The following HS3ST2 variants were observed in gnomAD, a reference collection of about 807,000 sequenced individuals.
The protein encoded by HS3ST2 is heparan sulfate glucosamine 3-O-sulfotransferase 2.
HS3ST2 carries 17 observed loss-of-function variants against 26.3 expected under a neutral mutation model. That is an observed-to-expected ratio of 0.65 (90% CI 0.44 to 0.97). The LOEUF is 0.97. Ranked by LOEUF, HS3ST2 falls within the 50% of genes least tolerant of loss-of-function variation. HS3ST2 has a pLI of 0.00. For missense variants in HS3ST2, 402 were observed against 501.2 expected, an observed-to-expected ratio of 0.80 and a Z score of 1.89; for synonymous variants, 237 against 219.2, an observed-to-expected ratio of 1.08 and a Z score of -0.72.
intron 1 of HS3ST2, among the ~76,000 whole-genome samples, chr16:22,866,161 A>G (rs1901746360): frequency 6.6e-6 from 1 of 151,906 alleles, no homozygotes; most frequent in South Asian, 2.1e-4. Flanking sequence ...AAGACAAGGA[A>G]AAAGAAAAAA....
At chr16:22,855,139 C>G (rs1901571576) in intron 1 of HS3ST2, among the ~76,000 whole-genome samples, 1 of 152,168 alleles carries the variant, frequency 6.6e-6, no homozygotes, top group Non-Finnish European at 1.5e-5. Flanking sequence ...CATTTTTCCT[C>G]TGCCCATTTT....
intron 1 of HS3ST2, among the ~76,000 whole-genome samples, chr16:22,906,461 T>A (rs138338245): frequency 3.7e-4 from 56 of 152,344 alleles, no homozygotes; most frequent in African/African-American, 1.3e-3. Context: ...GGACCCAGAC[T>A]TTTGCATTGC....
At chr16:22,834,220 C>T (rs558914037) in intron 1 of HS3ST2, among the ~76,000 whole-genome samples, 159 of 152,092 alleles carry the variant, frequency 1.0e-3, no homozygotes, top group Middle Eastern at 3.4e-3. Context: ...AATTAGGAAA[C>T]TGATTAAAGA....
intron 1 of HS3ST2, among the ~76,000 whole-genome samples, chr16:22,827,650 G>A (rs944760153): frequency 2.0e-5 from 3 of 151,798 alleles, no homozygotes; most frequent in African/African-American, 7.3e-5. Flanking sequence ...TGCTGAGGTT[G>A]ATGATGGTAG....
intron 1 of HS3ST2, among the ~76,000 whole-genome samples, chr16:22,827,255 G>C (rs1023997491): frequency 6.6e-6 from 1 of 152,208 alleles, no homozygotes; most frequent in Non-Finnish European, 1.5e-5. Context: ...AGTGCACAAG[G>C]GATGGGAAAT....
chr16:22,855,188 C>T (rs1901572356), intron 1 of HS3ST2, among the ~76,000 whole-genome samples: 1 of 152,070 alleles, frequency 6.6e-6, no homozygotes. Context: ...CATTTCTCCC[C>T]TTGTTTATTG....
At chr16:22,827,087 G>A (rs1166007892) in intron 1 of HS3ST2, among the ~76,000 whole-genome samples, 1 of 152,148 alleles carries the variant, frequency 6.6e-6, no homozygotes, top group Non-Finnish European at 1.5e-5. Flanking sequence ...ATATTTGAGT[G>A]ATGATCTGAA....
At chr16:22,891,323 G>A (rs1567498093) in intron 1 of HS3ST2, among the ~76,000 whole-genome samples, 1 of 152,148 alleles carries the variant, frequency 6.6e-6, no homozygotes, top group East Asian at 1.9e-4. Flanking sequence ...GCATCGTCTC[G>A]AAGTCTTTCC....
At position 22,915,037 on chromosome 16, in the gene HS3ST2, C is replaced by G. The variant is rs1902474778; in HGVS notation, c.579C>G (p.Asn193Lys). Residue 193 changes from asparagine to lysine, a missense_variant, in exon 2 of 2, where the codon AAC becomes AAG. By Grantham distance (94) the Asn-to-Lys change is moderately conservative (BLOSUM62 0). Transcript: ENST00000261374. ...VTQEAPRRIFNMSRDTKLIVV... is the reference protein window; with the variant it reads ...VTQEAPRRIFKMSRDTKLIVV... ...AAGAGGCTCCTCGACGCATCTTCAA[C>G]ATGTCCCGAGACACCAAGCTGATCG... 1 of 1,614,122 alleles carries G rather than the reference C, an allele frequency of 6.2e-7. No individual in the cohort carries two copies. Among genetic ancestry groups the G allele is most frequent in the Admixed American group, 1.7e-5 (1 of 60,010 alleles).
At position 22,814,722 on chromosome 16, in the gene HS3ST2, C is replaced by G. The variant is rs1270425456; in HGVS notation, c.112C>G (p.Leu38Val). The G allele has an allele frequency of 1.2e-6, 2 of 1,609,408 alleles. No individual in the cohort carries two copies. The highest frequency in any genetic ancestry group is 1.3e-5 in the African/African-American group (1 of 74,876). ...CTGCACTTACCTGTGTTACAGCTTC[C>G]TGTGCTGCTGCGACGACCTGGGTCG... ...LSCTYLCYSF[L>V]CCCDDLGRSR... The change falls in exon 1 of 2, where the codon CTG (leucine) becomes GTG (valine). Residue 38 changes from leucine (L) to valine (V), a missense_variant. This residue lies in a region of HS3ST2 where 165 missense variants were observed against 154.6 expected (regional missense o/e 1.07). Coordinates refer to ENST00000261374, the MANE Select transcript of HS3ST2 (RefSeq NM_006043.2).
Position 22,814,949 on chromosome 16 carries a change from G to A in HS3ST2, c.339G>A (p.Arg113=), listed in dbSNP as rs1348652391. ...HSGSPKLGTK[R]LPQALIVGVK... ...GCTCACCCAAGCTGGGTACCAAGCG[G>A]TTGCCCCAAGCCCTCATTGTGGGCG... Residue 113 remains arginine, a synonymous_variant, in exon 1 of 2, where the codon CGG becomes CGA. Transcript: ENST00000261374. 4 of 1,611,484 alleles carry A rather than the reference G, an allele frequency of 2.5e-6. No individual in the cohort carries two copies. Among genetic ancestry groups the A allele is most frequent in the Non-Finnish European group, 2.5e-6 (3 of 1,179,336 alleles).
intron 1 of HS3ST2, among the ~76,000 whole-genome samples, chr16:22,887,154 G>A (rs943723094): frequency 6.6e-6 from 1 of 152,152 alleles, no homozygotes; most frequent in African/African-American, 2.4e-5. Context: ...TCCCCCAAAG[G>A]CCATTTCAAA....
At chr16:22,913,565 C>T (rs918075793) in intron 1 of HS3ST2, among the ~76,000 whole-genome samples, 1 of 152,114 alleles carries the variant, frequency 6.6e-6, no homozygotes, top group Admixed American at 6.5e-5. Context: ...CAAGACAAGA[C>T]TTTTTCCCCA....
At chr16:22,864,876 T>C (rs1244935445) in intron 1 of HS3ST2, among the ~76,000 whole-genome samples, 2 of 74,950 alleles carry the variant, frequency 2.7e-5, no homozygotes, top group Admixed American at 1.6e-4. Flanking sequence ...GGAGACCCTG[T>C]CTCCACAAAA....
chr16:22,847,791 ATAAG>A (rs1901459642), intron 1 of HS3ST2, among the ~76,000 whole-genome samples: 1 of 151,780 alleles, frequency 6.6e-6, no homozygotes, highest in Non-Finnish European at 1.5e-5. Flanking sequence ...AGGAAGAAGA[ATAAG>A]AAAGAGGAGA....
intron 1 of HS3ST2, among the ~76,000 whole-genome samples, chr16:22,858,140 G>A (rs946983640): frequency 2.0e-5 from 3 of 152,028 alleles, no homozygotes; most frequent in African/African-American, 7.3e-5. Context: ...GCAAAACAGG[G>A]TGACTATAGT....
At chr16:22,880,515 T>C (rs1290348653) in intron 1 of HS3ST2, among the ~76,000 whole-genome samples, 1 of 152,212 alleles carries the variant, frequency 6.6e-6, no homozygotes, top group African/African-American at 2.4e-5. Context: ...CACCCAGATA[T>C]ATACATCTGT....
At chr16:22,871,216 C>T (rs1241554577) in intron 1 of HS3ST2, among the ~76,000 whole-genome samples, 4 of 151,930 alleles carry the variant, frequency 2.6e-5, no homozygotes, top group East Asian at 1.9e-4. Context: ...ATTAGCTGGG[C>T]GTGATGGTGC....
intron 1 of HS3ST2, among the ~76,000 whole-genome samples, chr16:22,862,741 AAGCCAAGCAATTTTGAC>A (rs1567490858): frequency 2.6e-5 from 4 of 152,170 alleles, no homozygotes; most frequent in Admixed American, 1.3e-4. Flanking sequence ...CTTTCCAGAG[AAGCCAAGCAATTTTGAC>A]AGCCAAGAGA....
Sources: allele counts gnomAD v4.1 joint callset (sites outside exome capture counted in the v4.1 genomes callset), GRCh38; gene constraint gnomAD v4.1.1; regional missense constraint gnomAD v4.1.1; transcripts MANE v1.5; gene names NCBI Gene and HGNC (gene_info 2026-07-23, HGNC 2026-07-21).